MMD: variants seen among roughly 807,000 people sequenced by gnomAD.
MMD encodes the protein monocyte to macrophage differentiation factor.
In MMD, 22 loss-of-function variants were observed where a neutral mutation model predicts 33.6. The observed-to-expected ratio is 0.66, with a 90% CI of 0.47 to 0.94. The LOEUF (loss-of-function observed/expected upper bound fraction) is 0.94, where lower values mean the gene tolerates loss of function less well. Among genes scored for constraint, MMD ranks in the 40% least tolerant of loss-of-function variants. The pLI, the probability that MMD is intolerant of heterozygous loss-of-function variation, is 0.00. For missense variants in MMD, 242 were observed against 309.8 expected (o/e 0.78, Z 1.64); for synonymous variants, 97 against 103.2 (o/e 0.94, Z 0.36).
At chr17:55,420,688 G>GTCAC (rs1474899486) in intron 1 of MMD, among the ~76,000 whole-genome samples, 1 of 152,186 alleles carries the variant, frequency 6.6e-6, no homozygotes, top group Non-Finnish European at 1.5e-5. Context: ...AATTTCCCCT[G>GTCAC]TCACTGCACC....
At chr17:55,407,347 T>C (rs1037356966) in intron 4 of MMD, among the ~76,000 whole-genome samples, 2 of 143,424 alleles carry the variant, frequency 1.4e-5, no homozygotes, top group African/African-American at 5.1e-5. Context: ...AATAAATAAA[T>C]AAGCTTGCTT....
intron 6 of MMD, among the ~76,000 whole-genome samples, chr17:55,400,539 C>G (rs1244950334): frequency 7.6e-6 from 1 of 132,178 alleles, no homozygotes; most frequent in Non-Finnish European, 1.6e-5. Context: ...CAGAGCAAGA[C>G]TTTGTCTCAA....
chr17:55,407,752 G>T lies in MMD; in HGVS notation c.338C>A (p.Ala113Asp), dbSNP rs1308881476. Residue 113 changes from alanine (A) to aspartate (D), a missense_variant, in exon 4 of 7, where the codon GCT (alanine) becomes GAT (aspartate). Transcript: ENST00000262065. ...TAGGAAGACTGTATCTTACCATGGAGCATAAGAAGCAGCAATGAAGAAATA... is the reference window on the plus strand; with the variant it reads ...TAGGAAGACTGTATCTTACCATGGATCATAAGAAGCAGCAATGAAGAAATA... ...VIYFFIAASY[A>D]PWLNLRELGP... 1.2e-6 allele frequency: 2 copies of T among 1,600,718 alleles called. No individual in the cohort carries two copies. Among genetic ancestry groups the T allele is most frequent in the African/African-American group, 2.7e-5 (2 of 74,096 alleles).
rs542461599 is a variant in MMD at position 55,396,986 on chromosome 17, CT to C, written c.517-2453del. 5.3e-5 allele frequency among the ~76,000 whole-genome samples: 8 copies of C among 152,242 alleles called. No individual in the cohort carries two copies. The South Asian group carries it at 1.2e-3, about 24-fold the overall frequency. On this transcript the variant is annotated intron_variant, in intron 6 of 6. Coordinates refer to ENST00000262065, the MANE Select transcript of MMD (RefSeq NM_012329.3). ...CAATGTACCTTTATTATTATACCCCCTATACAAGGTTAAGACCCTTAAAACA... is the reference window on the plus strand; with the variant it reads ...CAATGTACCTTTATTATTATACCCCCATACAAGGTTAAGACCCTTAAAACA...
intron 4 of MMD, among the ~76,000 whole-genome samples, chr17:55,405,327 G>A (rs901954206): frequency 5.3e-5 from 8 of 150,536 alleles, no homozygotes; most frequent in East Asian, 2.0e-4. Flanking sequence ...CCAAGATCGC[G>A]CCATTGCAGT....
intron 6 of MMD, among the ~76,000 whole-genome samples, chr17:55,397,007 A>G (rs148294875): frequency 1.1e-3 from 165 of 152,310 alleles, no homozygotes; most frequent in African/African-American, 3.9e-3. Flanking sequence ...TAAGACCCTT[A>G]AAACAATGTG....
intron 4 of MMD, among the ~76,000 whole-genome samples, chr17:55,405,528 C>A (rs889641423): frequency 2.0e-5 from 3 of 152,056 alleles, no homozygotes; most frequent in Non-Finnish European, 4.4e-5. Flanking sequence ...ATATTTAACT[C>A]CTCAGCTCAC....
chr17:55,402,597 C>T (rs1182732268), intron 5 of MMD, among the ~76,000 whole-genome samples: 1 of 152,166 alleles, frequency 6.6e-6, no homozygotes, highest in Non-Finnish European at 1.5e-5. Flanking sequence ...CCTCATTCAT[C>T]GTGTTTTATA....
At position 55,394,165 on chromosome 17, in the gene MMD, G is replaced by T; in HGVS notation, c.*169C>A. On this transcript the variant is annotated 3_prime_UTR_variant, in exon 7 of 7. Transcript: ENST00000262065. ...TCACTACCTTATTTATTTGCTGTGAGGCAGAAAATTCCAGAACACAGCCTT... is the reference window on the plus strand; with the variant it reads ...TCACTACCTTATTTATTTGCTGTGATGCAGAAAATTCCAGAACACAGCCTT... 1 of 481,394 alleles carries T rather than the reference G, an allele frequency of 2.1e-6. No homozygotes were observed. The highest frequency in any genetic ancestry group is 3.5e-6 in the Non-Finnish European group (1 of 289,246). 29.8% of individuals were successfully genotyped at this position (481,394 alleles called of 1,614,324 possible).
At chr17:55,415,155 C>T (rs1248066344) in intron 1 of MMD, among the ~76,000 whole-genome samples, 1 of 151,984 alleles carries the variant, frequency 6.6e-6, no homozygotes, top group Admixed American at 6.6e-5. Context: ...CAACCCATAC[C>T]CACAACAGGT....
At position 55,407,829 on chromosome 17, in the gene MMD, G is replaced by A; in HGVS notation, c.270-9C>T. The stretch of plus-strand genomic sequence containing the variant: ...AACAATGCTCCACTGTCCTAGCGAG[G>A]GGGAAAAAAAAGTAAATTTGTCAGA... On this transcript the variant is annotated splice_polypyrimidine_tract_variant and intron_variant, in intron 3 of 6. Transcript: ENST00000262065. 1 of 1,549,164 alleles carries A rather than the reference G, an allele frequency of 6.5e-7. No homozygotes were observed. The highest frequency in any genetic ancestry group is 8.6e-7 in the Non-Finnish European group (1 of 1,156,944).
Position 55,398,254 on chromosome 17 carries a change from G to A in MMD, c.516+3215C>T, listed in dbSNP as rs568280013. On this transcript the variant is annotated intron_variant, in intron 6 of 6. Coordinates refer to ENST00000262065, the MANE Select transcript of MMD (RefSeq NM_012329.3). ...AGTTTGTATAGTTTCTACAGACCTG[G>A]CTTCAAGTTCACTGAACTTTGCTTC... Among the ~76,000 whole-genome samples, 11 of 151,516 alleles carry A rather than the reference G, an allele frequency of 7.3e-5. No individual in the cohort carries two copies. In the East Asian group the frequency reaches 1.9e-3, roughly 27 times the overall value.
intron 4 of MMD, among the ~76,000 whole-genome samples, chr17:55,406,216 G>A (rs1363077708): frequency 2.0e-5 from 3 of 151,988 alleles, no homozygotes; most frequent in Non-Finnish European, 4.4e-5. Context: ...GTAACATGGC[G>A]AAACCTCGTC....
At position 55,393,591 on chromosome 17, in the gene MMD, TC is replaced by T; in HGVS notation, c.*742del. 6.5e-6 allele frequency: 1 copy of T among 152,776 alleles called. No individual in the cohort carries two copies. Among genetic ancestry groups the T allele is most frequent in the East Asian group, 1.9e-4 (1 of 5,190 alleles). The allele number at this position is 152,776 out of a possible 1,614,324, so 9.5% of individuals were successfully genotyped here. ...TTAATGATATCAAAATACTTTTCCA[TC>T]ACTGGTAAACCAAGCTAGGTCAAGT... On this transcript the variant is annotated 3_prime_UTR_variant, in exon 7 of 7. Coordinates refer to ENST00000262065, the MANE Select transcript of MMD (RefSeq NM_012329.3).
intron 5 of MMD, 57 bp downstream of exon 5, chr17:55,403,710 A>C (rs1053507646): frequency 1.5e-5 from 19 of 1,231,970 alleles, no homozygotes; most frequent in Non-Finnish European, 2.1e-5. Flanking sequence ...ATTGCAGTGC[A>C]GATAATATTT....
chr17:55,399,686 T>C (rs1294353381), intron 6 of MMD, among the ~76,000 whole-genome samples: 2 of 152,236 alleles, frequency 1.3e-5, no homozygotes, highest in African/African-American at 4.8e-5. Flanking sequence ...CATGTTCGCA[T>C]AGCAGCCTGA....
intron 6 of MMD, among the ~76,000 whole-genome samples, chr17:55,400,492 T>C (rs1907284276): frequency 6.6e-6 from 1 of 150,386 alleles, no homozygotes; most frequent in Non-Finnish European, 1.5e-5. Flanking sequence ...GAGGTTGCAG[T>C]GAGCCAAGAT....
chr17:55,411,724 A>G lies in MMD; in HGVS notation c.109-307T>C, dbSNP rs75927342. On this transcript the variant is annotated intron_variant, in intron 2 of 6. Transcript: ENST00000262065. ...TTTTTTTTTATCCTAATTTCATTAA[A>G]TAAGGACATGTTTCATTCTACTTTA... Among the ~76,000 whole-genome samples the G allele has an allele frequency of 9.3e-3, 1,411 of 152,194 alleles. 31 individuals carry two copies. The highest frequency in any genetic ancestry group is 0.032 in the African/African-American group (1,340 of 41,512).
intron 1 of MMD, among the ~76,000 whole-genome samples, chr17:55,414,556 TCACACACACACACACACACA>T (rs58103743): frequency 1.6e-5 from 2 of 122,922 alleles, no homozygotes; most frequent in Non-Finnish European, 3.4e-5. Context: ...CCTCCTCCAT[TCACACACACACACACACACA>T]CACACACACA....
Sources: gnomAD v4.1 joint callset for allele counts (sites outside exome capture counted in the v4.1 genomes callset) on GRCh38, gnomAD v4.1.1 for gene constraint, MANE v1.5 for transcripts, NCBI Gene and HGNC (gene_info 2026-07-23, HGNC 2026-07-21) for gene names.